Variants in PPM1J observed in about 807,000 individuals in gnomAD.
PPM1J encodes the protein protein phosphatase, Mg2+/Mn2+ dependent 1J.
Under a neutral mutation model 53.3 loss-of-function variants are expected in PPM1J, and 43 were observed. The observed-to-expected ratio is 0.81, with a 90% confidence interval of 0.63 to 1.04. The LOEUF is 1.04. PPM1J is among the 50% of genes least tolerant of loss of function. The pLI is 0.00. For synonymous variants in PPM1J, 267 were observed against 286.4 expected, an observed-to-expected ratio of 0.93 and a Z score of 0.68; for missense variants, 635 against 685.9, an observed-to-expected ratio of 0.93 and a Z score of 0.83.
In PPM1J at chr1:112,712,749, G is replaced by T. The variant is rs373932983; in HGVS notation, c.724C>A (p.Leu242Ile). 1.2e-5 allele frequency: 19 copies of T among 1,607,138 alleles called. No homozygotes were observed. The African/African-American group carries it at 1.9e-4, about 16-fold the overall frequency. The change falls in exon 3 of 10, where the codon CTC becomes ATC. Residue 242 changes from leucine (L) to isoleucine (I), a missense_variant. Coordinates refer to ENST00000309276, the MANE Select transcript of PPM1J (RefSeq NM_005167.7). ...VVGAVENAFQLMDEQMARERR... is the reference protein window; with the variant it reads ...VVGAVENAFQIMDEQMARERR... The stretch of plus-strand genomic sequence containing the variant: ...GGCCCAGGTCACCCACTCACCATGA[G>T]CTGGAAGGCATTCTCAACGGCCCCC...
At chr1:112,714,608 C>T in intron 1 of PPM1J, 2 of 1,071,082 alleles carry the variant, frequency 1.9e-6, no homozygotes, top group Non-Finnish European at 2.3e-6. Context: ...AAAAAGAACC[C>T]CGCTCCTTCG....
intron 1 of PPM1J, chr1:112,714,389 A>C: frequency 1.0e-6 from 1 of 985,338 alleles, no homozygotes; most frequent in Non-Finnish European, 1.2e-6. Context: ...GGCCAGCACG[A>C]GTTGGCAGGC....
Position 112,714,989 on chromosome 1 carries a change from TG to T in PPM1J, c.312del (p.Ser104ArgfsTer78). On this transcript the variant is annotated frameshift_variant, in exon 1 of 10. Transcript: ENST00000309276. LOFTEE classifies it high-confidence loss of function. ...GGGGGCGCTCACTCGGCGTAGCCTG[TG>T]CTCCAGGGCAGGCGGCGGCCCGTGT... ...PPDTGRRLPW[S>X]TGYAEVINAG... The T allele has an allele frequency of 6.9e-7, 1 of 1,442,156 alleles. No individual in the cohort carries two copies. 89.3% of individuals were successfully genotyped at this position (1,442,156 alleles called of 1,614,324 possible).
intron 8 of PPM1J, 29 bp downstream of exon 8, chr1:112,710,715 G>A (rs1312077283): frequency 1.2e-6 from 2 of 1,613,270 alleles, no homozygotes; most frequent in Admixed American, 3.3e-5. Context: ...GACTCCCAGA[G>A]AAGGCAAGGT....
Position 112,710,493 on chromosome 1 carries a change from A to G in PPM1J, c.1337T>C (p.Val446Ala). ...DCEVAATVDR[V>A]LSAYEPNDHS... ...GTCATTAGGCTCATAGGCCGACAGC[A>G]CCCTGTCCACAGTGGCAGCTACCTC... is the stretch of plus-strand genomic sequence containing the variant. The change falls in exon 9 of 10, where the codon GTG (valine) becomes GCG (alanine). Residue 446 changes from valine to alanine, a missense_variant. Transcript: ENST00000309276. The G allele has an allele frequency of 6.2e-7, 1 of 1,613,970 alleles. No homozygotes were observed. The highest frequency in any genetic ancestry group is 8.5e-7 in the Non-Finnish European group (1 of 1,180,006).
intron 1 of PPM1J, 141 bp from the exon 2 acceptor site, chr1:112,713,752 GGA>G: frequency 1.4e-6 from 1 of 724,510 alleles, no homozygotes; most frequent in South Asian, 1.7e-5. Flanking sequence ...GCCAGAGGGA[GGA>G]GGAGAAGGGA....
chr1:112,712,593 G>C (rs1042068800), intron 3 of PPM1J, 136 bp from the exon 4 acceptor site: 25 of 1,108,598 alleles, frequency 2.3e-5, no homozygotes, highest in Admixed American at 4.3e-5. Flanking sequence ...GAAGACTGGG[G>C]TGTAACTGCC....
In PPM1J at chr1:112,712,363, G is replaced by T. The variant is rs778448756; in HGVS notation, c.824C>A (p.Ala275Asp). The T allele has an allele frequency of 6.2e-7, 1 of 1,613,236 alleles. No homozygotes were observed. The highest frequency in any genetic ancestry group is 1.7e-5 in the Admixed American group (1 of 59,932). Reference sequence around the variant, plus strand: ...CCCATACCTGCTATCGCCTGCATTGGCCACGTACACCTTGCCTAGCAGGTA... The same window carrying T: ...CCCATACCTGCTATCGCCTGCATTGTCCACGTACACCTTGCCTAGCAGGTA... Reference protein sequence around the residue: ...VIYLLGKVYVANAGDSRAIIV... With the variant: ...VIYLLGKVYVDNAGDSRAIIV... The change falls in exon 4 of 10, where the codon GCC becomes GAC. Residue 275 changes from alanine (A) to aspartate (D), a missense_variant. Coordinates refer to ENST00000309276, the MANE Select transcript of PPM1J (RefSeq NM_005167.7).
intron 2 of PPM1J, among the ~76,000 whole-genome samples, 164 bp downstream of exon 2, chr1:112,713,333 A>T (rs1397238002): frequency 3.0e-4 from 45 of 152,348 alleles, no homozygotes; most frequent in Admixed American, 2.9e-3. Context: ...ATTCATGCTT[A>T]CATGGTAGAA....
Position 112,713,064 on chromosome 1 carries a change from T to TTGTGTGTG in PPM1J, c.442-41_442-34dup, listed in dbSNP as rs36095892. 4.1e-3 allele frequency: 4,212 copies of TTGTGTGTG among 1,031,830 alleles called. 26 individuals are homozygous for TTGTGTGTG. The highest frequency in any genetic ancestry group is 0.036 in the East Asian group (1,397 of 38,828). The allele number at this position is 1,031,830 out of a possible 1,614,324, so 63.9% of individuals were successfully genotyped here. On this transcript the variant is annotated intron_variant, in intron 2 of 9. Transcript: ENST00000309276. ...AGGAAAAGTTGGAGGTGAGTTTTGTTTGTGTGTGTGTGTGTGTGTGTGTGT... is the reference window on the plus strand; with the variant it reads ...AGGAAAAGTTGGAGGTGAGTTTTGTTTGTGTGTGTGTGTGTGTGTGTGTGTGTGTGTGT...
rs79464193 is a variant in PPM1J, at chr1:112,710,655, C to T, written c.1219-44G>A. 3.6e-3 allele frequency: 5,830 copies of T among 1,613,622 alleles called. 14 individuals are homozygous for T. The highest frequency in any genetic ancestry group is 4.3e-3 in the Non-Finnish European group (5,061 of 1,179,638). ...AGAGAGGATTGAGGTGTGGGGTTTG[C>T]TGGACAGGGAGCTTGGAGATAAAGG... On this transcript the variant is annotated intron_variant, in intron 8 of 9. Transcript: ENST00000309276.
Position 112,712,884 on chromosome 1 carries a change from A to C in PPM1J, c.589T>G (p.Cys197Gly). 1.2e-6 allele frequency: 2 copies of C among 1,614,012 alleles called. No individual in the cohort carries two copies. The highest frequency in any genetic ancestry group is 1.7e-6 in the Non-Finnish European group (2 of 1,180,014). The change falls in exon 3 of 10, where the codon TGC (cysteine) becomes GGC (glycine). Residue 197 changes from cysteine (C) to glycine (G), a missense_variant. Cys to Gly is a radical substitution (Grantham distance 159). Coordinates refer to ENST00000309276, the MANE Select transcript of PPM1J (RefSeq NM_005167.7). ...ILQDPSPPPL[C>G]LPTTPGTPDS... Reference sequence around the variant, plus strand: ...GGGGTCCCCGGAGTGGTTGGGAGGCAGAGGGGTGGTGGCGAAGGGTCCTGA... The same window carrying C: ...GGGGTCCCCGGAGTGGTTGGGAGGCCGAGGGGTGGTGGCGAAGGGTCCTGA...
In PPM1J at chr1:112,713,616, C is replaced by G; in HGVS notation, c.327-5G>C. 1 of 1,612,084 alleles carries G rather than the reference C, an allele frequency of 6.2e-7. No homozygotes were observed. The highest frequency in any genetic ancestry group is 1.3e-5 in the African/African-American group (1 of 74,974). On this transcript the variant is annotated splice_region_variant and splice_polypyrimidine_tract_variant and intron_variant, in intron 1 of 9. Transcript: ENST00000309276. ...CTCTTGCCAGCATTGATGACCCTGCCAGGCCAGAATGACCACATCAGGTTG... is the reference window on the plus strand; with the variant it reads ...CTCTTGCCAGCATTGATGACCCTGCGAGGCCAGAATGACCACATCAGGTTG...
At chr1:112,711,497 C>T (rs1675058327) in intron 5 of PPM1J, 113 bp from the exon 6 acceptor site, 1 of 644,692 alleles carries the variant, frequency 1.6e-6, no homozygotes, top group Non-Finnish European at 2.8e-6. Flanking sequence ...TTACCATGTG[C>T]CACACGTTAT....
rs1016350778 is a variant in PPM1J at position 112,715,285 on chromosome 1, C to A, written c.17G>T (p.Arg6Leu). The A allele has an allele frequency of 2.3e-6, 3 of 1,313,466 alleles. No individual in the cohort carries two copies. Among genetic ancestry groups the A allele is most frequent in the Admixed American group, 4.2e-5 (1 of 23,836 alleles). The allele number at this position is 1,313,466 out of a possible 1,614,324, so 81.4% of individuals were successfully genotyped here. A position where few individuals can be genotyped will look rare whatever the true frequency, so the allele number is the denominator to read the frequency against. Residue 6 changes from arginine (R) to leucine (L), a missense_variant, in exon 1 of 10, where the codon CGC (arginine) becomes CTC (leucine). Transcript: ENST00000309276. This position sits in a 1 kb window ranked among gnomAD's most constrained non-coding sequence, Gnocchi z 4.4. MLNRVRSAVAHLVSSG... is the reference protein window; with the variant it reads MLNRVLSAVAHLVSSG... ...GCTCACCAGGTGCGCCACGGCCGAG[C>A]GCACCCGGTTTAGCATGCTGCCTCC...
chr1:112,714,807 T>C (rs968357629), intron 1 of PPM1J, 169 bp downstream of exon 1: 1 of 1,262,900 alleles, frequency 7.9e-7, no homozygotes. Context: ...CACTGGAAAA[T>C]GGGTTGGGAG....
chr1:112,711,105 G>A, intron 6 of PPM1J, 34 bp from the exon 7 acceptor site: 1 of 1,597,758 alleles, frequency 6.3e-7, no homozygotes, highest in Non-Finnish European at 8.6e-7. Context: ...GCATCACCCA[G>A]GCATCAAAGC....
chr1:112,713,021 AAGC>A lies in PPM1J; in HGVS notation c.449_451del (p.Cys150del). The A allele has an allele frequency of 6.3e-7, 1 of 1,599,504 alleles. No homozygotes were observed. ...CCCATCAAATAGGCCCCAGTAGTAG[AAGC>A]AGAGTCCCTGGTGGAGGAAAAGTTG... On this transcript the variant is annotated inframe_deletion, in exon 3 of 10. Transcript: ENST00000309276.
intron 1 of PPM1J, chr1:112,714,527 G>C (rs1675148863): frequency 4.0e-6 from 4 of 992,442 alleles, no homozygotes; most frequent in Non-Finnish European, 4.8e-6. Flanking sequence ...TACGGTAAGA[G>C]GGACAGGGAA....
Sources: allele counts gnomAD v4.1 joint callset (sites outside exome capture counted in the v4.1 genomes callset), GRCh38; gene constraint gnomAD v4.1.1; non-coding constraint Gnocchi (gnomAD v3.1); transcripts MANE v1.5; gene names NCBI Gene and HGNC (gene_info 2026-07-23, HGNC 2026-07-21).